The following CAMKMT variants were observed in gnomAD, a reference collection of about 807,000 sequenced individuals.
CAMKMT encodes calmodulin-lysine N-methyltransferase.
In CAMKMT, 53 loss-of-function variants were observed where a neutral mutation model predicts 48.0. The ratio of observed to expected loss-of-function variants is 1.10; its 90% CI spans 0.89 to 1.39. The LOEUF is 1.39. Ranked by LOEUF, CAMKMT falls within the 40% of genes most tolerant of loss-of-function variation. CAMKMT has a pLI of 0.00. For missense variants in CAMKMT, 428 were observed against 402.7 expected (o/e 1.06, Z -0.54); for synonymous variants, 165 against 152.3 (o/e 1.08, Z -0.61).
At chr2:44,447,507 A>G (rs1031794811) in intron 3 of CAMKMT, among the ~76,000 whole-genome samples, 10 of 151,986 alleles carry the variant, frequency 6.6e-5, no homozygotes, top group Middle Eastern at 3.2e-3. Flanking sequence ...ATCCCCCCCA[A>G]CCTCAGTGGC....
intron 3 of CAMKMT, among the ~76,000 whole-genome samples, chr2:44,393,146 G>C (rs992366799): frequency 2.0e-5 from 3 of 152,142 alleles, no homozygotes; most frequent in Non-Finnish European, 2.9e-5. Context: ...GAGATGAAAG[G>C]ATCAGTCTTA....
chr2:44,688,213 G>A (rs945434371), intron 3 of CAMKMT, among the ~76,000 whole-genome samples: 7 of 152,002 alleles, frequency 4.6e-5, no homozygotes, highest in African/African-American at 1.7e-4. Context: ...AGGTGTTAAA[G>A]ACAATCATAC....
chr2:44,706,056 G>A (rs1476810931), intron 4 of CAMKMT, among the ~76,000 whole-genome samples: 2 of 152,096 alleles, frequency 1.3e-5, no homozygotes, highest in African/African-American at 2.4e-5. Flanking sequence ...TGGTAATGTT[G>A]CAGTGAACAC....
chr2:44,398,238 T>A (rs1475807729), intron 3 of CAMKMT, among the ~76,000 whole-genome samples: 4 of 152,220 alleles, frequency 2.6e-5, no homozygotes, highest in Non-Finnish European at 1.5e-5. Flanking sequence ...ACTATTCTAC[T>A]TTATTTCTTA....
intron 3 of CAMKMT, 108 bp downstream of exon 3, chr2:44,390,413 A>G (rs931026277): frequency 4.4e-6 from 3 of 689,436 alleles, no homozygotes; most frequent in Non-Finnish European, 6.9e-6. Context: ...AAATGTATGC[A>G]TATATGTATA....
At chr2:44,747,598 T>A (rs988856868) in intron 8 of CAMKMT, among the ~76,000 whole-genome samples, 8 of 152,214 alleles carry the variant, frequency 5.3e-5, no homozygotes. Flanking sequence ...TGAAGTTAAA[T>A]CTAAAACAGT....
At chr2:44,729,034 A>G (rs1418521631) in intron 7 of CAMKMT, among the ~76,000 whole-genome samples, 3 of 151,554 alleles carry the variant, frequency 2.0e-5, no homozygotes, top group African/African-American at 7.3e-5. Flanking sequence ...AAAAAAAAAA[A>G]GCCATTTCAG....
At chr2:44,395,514 G>A (rs1272308504) in intron 3 of CAMKMT, among the ~76,000 whole-genome samples, 2 of 152,168 alleles carry the variant, frequency 1.3e-5, no homozygotes, top group East Asian at 1.9e-4. Context: ...GGGCTTTTAT[G>A]GGTCATTGCT....
chr2:44,629,365 C>T (rs750452933), intron 3 of CAMKMT, among the ~76,000 whole-genome samples: 2 of 151,734 alleles, frequency 1.3e-5, no homozygotes, highest in African/African-American at 2.4e-5. Flanking sequence ...GTGCACATGG[C>T]ATATCTCTTA....
At chr2:44,381,626 C>T (rs932838958) in intron 2 of CAMKMT, among the ~76,000 whole-genome samples, 3 of 152,114 alleles carry the variant, frequency 2.0e-5, no homozygotes, top group Non-Finnish European at 4.4e-5. Context: ...ATCCATTGAA[C>T]TTGGCAGCCA....
chr2:44,619,148 A>G (rs1672043779), intron 3 of CAMKMT, among the ~76,000 whole-genome samples: 1 of 152,216 alleles, frequency 6.6e-6, no homozygotes, highest in Non-Finnish European at 1.5e-5. Context: ...GAAACAGGAT[A>G]TCTTTGAGAA....
At chr2:44,753,249 CAAAAAAAAA>C (rs772390371) in intron 8 of CAMKMT, among the ~76,000 whole-genome samples, 124 of 65,442 alleles carry the variant, frequency 1.9e-3, no homozygotes, top group Admixed American at 0.013. Context: ...CCTGTCCCTA[CAAAAAAAAA>C]AAAAAAAAAA....
intron 3 of CAMKMT, among the ~76,000 whole-genome samples, chr2:44,597,923 G>C (rs929058090): frequency 3.3e-5 from 5 of 152,100 alleles, no homozygotes; most frequent in African/African-American, 1.2e-4. Flanking sequence ...TTTTAGTAGA[G>C]ACGGGGTTTC....
chr2:44,519,651 G>T, intron 3 of CAMKMT, among the ~76,000 whole-genome samples: 1 of 152,170 alleles, frequency 6.6e-6, no homozygotes, highest in South Asian at 2.1e-4. Context: ...GTTTAAAAAC[G>T]AAACAAAACA....
chr2:44,750,968 G>A (rs572218163), intron 8 of CAMKMT, among the ~76,000 whole-genome samples: 1 of 152,166 alleles, frequency 6.6e-6, no homozygotes, highest in Admixed American at 6.5e-5. Flanking sequence ...AGTCAAGATT[G>A]TGCCACTGCA....
intron 3 of CAMKMT, among the ~76,000 whole-genome samples, chr2:44,546,740 AATCAGTTTATGATATCTG>A (rs1333288831): frequency 2.0e-5 from 3 of 152,186 alleles, no homozygotes; most frequent in Non-Finnish European, 4.4e-5. Flanking sequence ...GAAATGATTT[AATCAGTTTATGATATCTG>A]TGACAGAGAG....
chr2:44,555,023 T>G (rs1390220102), intron 3 of CAMKMT, among the ~76,000 whole-genome samples: 6 of 152,050 alleles, frequency 3.9e-5, no homozygotes, highest in Non-Finnish European at 7.3e-5. Flanking sequence ...TTGAGGAAAC[T>G]GCATATATGG....
rs117745142 is a variant in CAMKMT, at chr2:44,491,129, C to T, written c.376+100824C>T. Reference sequence around the variant, plus strand: ...GCACGCCACTGCACTCCAGCCTGAGCAGTAGAGCCAGACCTTGTCTCAAAA... The same window carrying T: ...GCACGCCACTGCACTCCAGCCTGAGTAGTAGAGCCAGACCTTGTCTCAAAA... On this transcript the variant is annotated intron_variant, in intron 3 of 10. Coordinates refer to ENST00000378494, the MANE Select transcript of CAMKMT (RefSeq NM_024766.5). Among the ~76,000 whole-genome samples, 8 of 134,674 alleles carry T rather than the reference C, an allele frequency of 5.9e-5. No individual in the cohort carries two copies. The East Asian group carries it at 1.7e-3, about 28-fold the overall frequency. The allele number at this position is 134,674 out of a possible 152,430, so 88.4% of individuals were successfully genotyped here.
chr2:44,474,038 A>G (rs1334179228), intron 3 of CAMKMT, among the ~76,000 whole-genome samples: 1 of 152,210 alleles, frequency 6.6e-6, no homozygotes, highest in South Asian at 2.1e-4. Context: ...AGGAGAAGGA[A>G]TATAATCTCC....
Sources: allele counts gnomAD v4.1 joint callset (sites outside exome capture counted in the v4.1 genomes callset), GRCh38; gene constraint gnomAD v4.1.1; transcripts MANE v1.5; gene names NCBI Gene and HGNC (gene_info 2026-07-23, HGNC 2026-07-21).